MPPED2: variants seen among roughly 807,000 people sequenced by gnomAD.
The protein encoded by MPPED2 is metallophosphoesterase domain containing 2.
Under a neutral mutation model 33.0 loss-of-function variants are expected in MPPED2, and 5 were observed. The ratio of observed to expected loss-of-function variants is 0.15; its 90% CI spans 0.08 to 0.32. The LOEUF (loss-of-function observed/expected upper bound fraction) is 0.32, where lower values mean the gene tolerates loss of function less well. MPPED2 is among the 10% of genes least tolerant of loss of function. The pLI is 1.00. For missense variants in MPPED2, 275 were observed against 372.1 expected (o/e 0.74, Z 2.15); for synonymous variants, 136 against 141.9 (o/e 0.96, Z 0.29).
At chr11:30,452,176 T>C (rs1950090531) in intron 4 of MPPED2, 2 of 817,408 alleles carry the variant, frequency 2.4e-6, no homozygotes, top group Non-Finnish European at 3.0e-6. Context: ...TCCAAATTCT[T>C]GAGCTCCAAA....
chr11:30,551,050 T>C (rs188680849), intron 2 of MPPED2, among the ~76,000 whole-genome samples: 1 of 152,240 alleles, frequency 6.6e-6, no homozygotes, highest in Non-Finnish European at 1.5e-5. Flanking sequence ...ATTCTCATCT[T>C]ATCAGTAAAA....
Position 30,413,355 on chromosome 11 carries a change from C to T in MPPED2, c.766+873G>A, listed in dbSNP as rs370432721. On this transcript the variant is annotated intron_variant, in intron 6 of 6. Coordinates refer to ENST00000358117, the MANE Select transcript of MPPED2 (RefSeq NM_001584.3). ...AATATAGCGGCTGCCCACGTAAACA[C>T]GGCCATTGCACACAAGCGTGTGTAA... 1.1e-4 allele frequency among the ~76,000 whole-genome samples: 16 copies of T among 152,334 alleles called. No individual in the cohort carries two copies. The South Asian group carries it at 3.3e-3, about 32-fold the overall frequency.
At position 30,495,489 on chromosome 11, in the gene MPPED2, C is replaced by A; in HGVS notation, c.343G>T (p.Ala115Ser). Residue 115 changes from alanine (A) to serine (S), a missense_variant, in exon 4 of 7, where the codon GCT becomes TCT. By Grantham distance (99) the Ala-to-Ser change is moderately conservative. Transcript: ENST00000358117. The part of the protein sequence containing the change: ...NLPYEYKIVI[A>S]GNHELTFDKE... ...TCAAATGTCAGTTCATGATTCCCAG[C>A]AATCACTATTTTATATTCATATGGC... is the stretch of plus-strand genomic sequence containing the variant. The A allele has an allele frequency of 1.2e-6, 2 of 1,614,044 alleles. No homozygotes were observed. The highest frequency in any genetic ancestry group is 2.2e-5 in the East Asian group (1 of 44,872).
intron 2 of MPPED2, among the ~76,000 whole-genome samples, chr11:30,573,889 A>T (rs897668532): frequency 2.0e-4 from 31 of 152,198 alleles, no homozygotes; most frequent in Middle Eastern, 3.2e-3. Context: ...AGTTTGGTAC[A>T]AAAGCAGCTT....
intron 2 of MPPED2, among the ~76,000 whole-genome samples, chr11:30,569,439 C>T (rs1258587788): frequency 6.6e-6 from 1 of 152,186 alleles, no homozygotes; most frequent in Non-Finnish European, 1.5e-5. Context: ...GTTCTTTCCT[C>T]ACCATTCTTC....
intron 3 of MPPED2, among the ~76,000 whole-genome samples, chr11:30,525,630 C>A (rs559949552): frequency 1.3e-5 from 2 of 152,246 alleles, no homozygotes; most frequent in African/African-American, 4.8e-5. Flanking sequence ...AACTCAGTGA[C>A]TTCAGCTCTA....
chr11:30,519,436 A>G (rs770508706), intron 3 of MPPED2, among the ~76,000 whole-genome samples: 2 of 152,018 alleles, frequency 1.3e-5, no homozygotes, highest in African/African-American at 4.8e-5. Context: ...TATAAAATAT[A>G]CACATATAAT....
At chr11:30,484,243 A>G (rs914514447) in intron 4 of MPPED2, among the ~76,000 whole-genome samples, 1 of 152,146 alleles carries the variant, frequency 6.6e-6, no homozygotes, top group Non-Finnish European at 1.5e-5. Flanking sequence ...CATCCTAGGA[A>G]GACTATTATT....
intron 4 of MPPED2, among the ~76,000 whole-genome samples, chr11:30,453,197 C>T (rs915159389): frequency 6.6e-5 from 10 of 152,196 alleles, no homozygotes; most frequent in African/African-American, 2.2e-4. Context: ...CTTGTGAGTT[C>T]GGGGTTCAAG....
intron 3 of MPPED2, among the ~76,000 whole-genome samples, chr11:30,497,336 T>G (rs906123795): frequency 1.3e-5 from 2 of 152,122 alleles, no homozygotes; most frequent in Admixed American, 1.3e-4. Context: ...AACTCTAATA[T>G]CATGGCTCTG....
At chr11:30,540,917 C>T (rs1195613812) in intron 2 of MPPED2, among the ~76,000 whole-genome samples, 1 of 152,206 alleles carries the variant, frequency 6.6e-6, no homozygotes, top group South Asian at 2.1e-4. Context: ...GATAAGATGT[C>T]TAATGTCCTC....
intron 1 of MPPED2, among the ~76,000 whole-genome samples, chr11:30,585,443 C>G (rs1256073986): frequency 6.6e-6 from 1 of 151,984 alleles, no homozygotes; most frequent in South Asian, 2.1e-4. Flanking sequence ...GCGGTGCCTT[C>G]CCCTCGTCAC....
At chr11:30,429,251 GA>G (rs1948975163) in intron 4 of MPPED2, 1 of 152,148 alleles carries the variant, frequency 6.6e-6, no homozygotes, top group Non-Finnish European at 1.5e-5. Flanking sequence ...CAAATAAAAG[GA>G]AAGCACCTTC....
At chr11:30,413,099 C>A (rs1385196899) in intron 6 of MPPED2, among the ~76,000 whole-genome samples, 1 of 152,228 alleles carries the variant, frequency 6.6e-6, no homozygotes, top group Non-Finnish European at 1.5e-5. Context: ...CTGCTTTCCA[C>A]CCACTCAGCT....
At chr11:30,575,500 C>T (rs1480548574) in intron 2 of MPPED2, among the ~76,000 whole-genome samples, 1 of 152,190 alleles carries the variant, frequency 6.6e-6, no homozygotes, top group Non-Finnish European at 1.5e-5. Flanking sequence ...CTGGCAGGAT[C>T]AGTATTTGTA....
At chr11:30,440,957 A>C (rs2133896370) in intron 4 of MPPED2, among the ~76,000 whole-genome samples, 1 of 152,312 alleles carries the variant, frequency 6.6e-6, no homozygotes, top group Non-Finnish European at 1.5e-5. Flanking sequence ...TGAAATGCTG[A>C]GTTAAAGAGG....
intron 3 of MPPED2, among the ~76,000 whole-genome samples, chr11:30,511,449 T>A (rs1015080174): frequency 1.6e-4 from 25 of 152,106 alleles, no homozygotes; most frequent in African/African-American, 5.8e-4. Context: ...ACAGAGAAAA[T>A]TACCAAGATA....
At chr11:30,504,790 T>C (rs1296209944) in intron 3 of MPPED2, 62 of 1,288,830 alleles carry the variant, frequency 4.8e-5, no homozygotes, top group Non-Finnish European at 5.9e-5. Context: ...CCTCTGAAAC[T>C]CATGCATTAG....
intron 6 of MPPED2, among the ~76,000 whole-genome samples, chr11:30,404,782 C>T (rs538058529): frequency 7.9e-5 from 12 of 152,200 alleles, no homozygotes; most frequent in South Asian, 4.1e-4. Context: ...ACAAATGAAG[C>T]TTACTAGCAC....
Sources: gnomAD v4.1 joint callset for allele counts (sites outside exome capture counted in the v4.1 genomes callset) on GRCh38, gnomAD v4.1.1 for gene constraint, MANE v1.5 for transcripts, NCBI Gene and HGNC (gene_info 2026-07-23, HGNC 2026-07-21) for gene names.